AMZ1: variants seen among roughly 807,000 people sequenced by gnomAD.
AMZ1 encodes archaemetzincin-1.
In AMZ1, 39 loss-of-function variants were observed where a neutral mutation model predicts 29.9. The observed-to-expected ratio is 1.30, with a 90% CI of 1.01 to 1.70. The LOEUF is 1.70. Among genes scored for constraint, AMZ1 ranks in the 40% most tolerant of loss-of-function variants. AMZ1 has a pLI of 0.00. For synonymous variants in AMZ1, 458 were observed against 304.0 expected (o/e 1.51, Z -5.27); for missense variants, 1,041 against 680.6 (o/e 1.53, Z -5.89).
intron 4 of AMZ1, among the ~76,000 whole-genome samples, chr7:2,727,604 C>A (rs1297533687): frequency 6.6e-6 from 1 of 151,964 alleles, no homozygotes; most frequent in Non-Finnish European, 1.5e-5. Flanking sequence ...TGCACTCAAG[C>A]AATTCTCCCA....
chr7:2,740,797 C>A (rs967202302), intron 4 of AMZ1, among the ~76,000 whole-genome samples: 5 of 152,318 alleles, frequency 3.3e-5, no homozygotes, highest in African/African-American at 1.2e-4. Flanking sequence ...ATAATCCCAG[C>A]ACTTTGGGAG....
At chr7:2,757,096 T>C (rs1463495988) in intron 4 of AMZ1, among the ~76,000 whole-genome samples, 1 of 144,776 alleles carries the variant, frequency 6.9e-6, no homozygotes, top group African/African-American at 2.5e-5. Flanking sequence ...AAAAAGGAGG[T>C]GACCTTGGCA....
intron 4 of AMZ1, among the ~76,000 whole-genome samples, chr7:2,745,343 G>T (rs891830830): frequency 6.6e-6 from 1 of 152,248 alleles, no homozygotes. Context: ...CTGCAAGCCA[G>T]AAGAGAGTGG....
intron 4 of AMZ1, among the ~76,000 whole-genome samples, chr7:2,751,763 C>T (rs969889371): frequency 1.3e-5 from 2 of 152,104 alleles, no homozygotes; most frequent in Admixed American, 6.5e-5. Flanking sequence ...ACATCTTATA[C>T]GAAATGGACA....
At chr7:2,760,100 G>A (rs931875244), upstream of AMZ1, among the ~76,000 whole-genome samples, 6 of 152,260 alleles carry the variant, frequency 3.9e-5, no homozygotes, top group African/African-American at 1.4e-4. Context: ...GGCCTCTGTT[G>A]GCAATGTGTA....
Position 2,708,723 on chromosome 7 carries a change from C to A in AMZ1, c.601+7C>A. On this transcript the variant is annotated splice_region_variant and intron_variant, in intron 4 of 6. Transcript: ENST00000683327. ...AAGTTCCTTCCAGGGCACGGTGAGCCGGGGCCCCAGCAGCTGTGCGTGGGG... is the reference window on the plus strand; with the variant it reads ...AAGTTCCTTCCAGGGCACGGTGAGCAGGGGCCCCAGCAGCTGTGCGTGGGG... The A allele has an allele frequency of 6.2e-7, 1 of 1,612,208 alleles. No individual in the cohort carries two copies. The highest frequency in any genetic ancestry group is 1.1e-5 in the South Asian group (1 of 91,052).
In AMZ1 at chr7:2,731,202, C is replaced by T. The variant is rs140632617; in HGVS notation, n.550+21386C>T. On this transcript the variant is annotated intron_variant and non_coding_transcript_variant, in intron 4 of 4. Coordinates refer to the AMZ1 transcript ENST00000489665. The surrounding 1 kb of genome is among the most constrained non-coding windows in gnomAD (Gnocchi z 6.0). ...TCGCTCACTGCAGCATGATGTCCTT[C>T]AGGTTCTCCTGCAGGATGGTGTCTT... 62 of 1,611,860 alleles carry T rather than the reference C, an allele frequency of 3.8e-5. No individual in the cohort carries two copies. In the Middle Eastern group the frequency reaches 8.2e-4, roughly 21 times the overall value.
chr7:2,690,232 A>G (rs907463715), intron 1 of AMZ1, among the ~76,000 whole-genome samples: 4 of 152,104 alleles, frequency 2.6e-5, no homozygotes, highest in Non-Finnish European at 4.4e-5. Flanking sequence ...AGACAGACAG[A>G]CAGACAGACA....
At chr7:2,699,761 G>A (rs940307765) in intron 1 of AMZ1, among the ~76,000 whole-genome samples, 2 of 152,188 alleles carry the variant, frequency 1.3e-5, no homozygotes, top group Non-Finnish European at 2.9e-5. Context: ...CCGTGGAGAG[G>A]AGCATTTGGT....
chr7:2,762,740 C>G (rs561225294), upstream of AMZ1: 4 of 1,554,730 alleles, frequency 2.6e-6, no homozygotes, highest in African/African-American at 2.7e-5. Flanking sequence ...TCCTCCCTCC[C>G]GCAGGAAGTG....
intron 4 of AMZ1, among the ~76,000 whole-genome samples, chr7:2,758,849 A>G (rs958268999): frequency 6.6e-6 from 1 of 152,236 alleles, no homozygotes; most frequent in Non-Finnish European, 1.5e-5. Context: ...GCATGTATCA[A>G]CATGATGGGT....
At chr7:2,760,098 T>C (rs139478185), upstream of AMZ1, among the ~76,000 whole-genome samples, 34 of 152,364 alleles carry the variant, frequency 2.2e-4, no homozygotes, top group Middle Eastern at 3.4e-3. Context: ...AAGGCCTCTG[T>C]TGGCAATGTG....
At chr7:2,708,035 C>G (rs1225364273) in intron 3 of AMZ1, among the ~76,000 whole-genome samples, 8 of 152,078 alleles carry the variant, frequency 5.3e-5, no homozygotes. Flanking sequence ...GTTGGCCAGG[C>G]TGGTCTCGAA....
chr7:2,733,868 T>C (rs1286339419), intron 4 of AMZ1, among the ~76,000 whole-genome samples: 1 of 152,198 alleles, frequency 6.6e-6, no homozygotes, highest in African/African-American at 2.4e-5. Flanking sequence ...AATAGGATTT[T>C]AGATTTTGGC....
At chr7:2,751,803 A>T (rs1791053349) in intron 4 of AMZ1, among the ~76,000 whole-genome samples, 1 of 152,232 alleles carries the variant, frequency 6.6e-6, no homozygotes, top group Non-Finnish European at 1.5e-5. Context: ...ATTTCCCAAA[A>T]CGGATACTGT....
chr7:2,696,799 T>A (rs2115082736), intron 1 of AMZ1, among the ~76,000 whole-genome samples: 1 of 152,034 alleles, frequency 6.6e-6, no homozygotes, highest in East Asian at 2.0e-4. Context: ...GGCAGGAGAA[T>A]CGCTTGAACC....
chr7:2,682,838 G>A (rs539497550), intron 1 of AMZ1, among the ~76,000 whole-genome samples: 1 of 152,178 alleles, frequency 6.6e-6, no homozygotes, highest in East Asian at 1.9e-4. Context: ...ATCCCTGCAG[G>A]CATTCTGTAC....
chr7:2,707,772 C>T (rs1227849665), intron 3 of AMZ1, among the ~76,000 whole-genome samples: 1 of 151,432 alleles, frequency 6.6e-6, no homozygotes. Context: ...GCAGTGCCCT[C>T]AGGCCTCACG....
At chr7:2,762,830 C>G (rs1186761251), upstream of AMZ1, 1 of 1,508,174 alleles carries the variant, frequency 6.6e-7, no homozygotes, top group East Asian at 2.6e-5. Context: ...GCCACACACC[C>G]AGTCAGCGCG....
Sources: gnomAD v4.1 joint callset for allele counts (sites outside exome capture counted in the v4.1 genomes callset) on GRCh38, gnomAD v4.1.1 for gene constraint, Gnocchi (gnomAD v3.1) non-coding constraint, MANE v1.5 for transcripts, NCBI Gene and HGNC (gene_info 2026-07-23, HGNC 2026-07-21) for gene names.